Variants in NKAIN2 observed in about 807,000 individuals in gnomAD.
NKAIN2 encodes the protein sodium/potassium transporting ATPase interacting 2.
Under a neutral mutation model 32.6 loss-of-function variants are expected in NKAIN2, and 14 were observed. That is an observed-to-expected ratio of 0.43 (90% CI 0.28 to 0.67). The LOEUF (loss-of-function observed/expected upper bound fraction) is 0.67, where lower values mean the gene tolerates loss of function less well. Among genes scored for constraint, NKAIN2 ranks in the 30% least tolerant of loss-of-function variants. The pLI is 0.17. For missense variants in NKAIN2, 198 were observed against 258.3 expected, an observed-to-expected ratio of 0.77 and a Z score of 1.60; for synonymous variants, 80 against 87.2, an observed-to-expected ratio of 0.92 and a Z score of 0.46.
intron 2 of NKAIN2, among the ~76,000 whole-genome samples, chr6:124,313,747 T>C (rs1796819200): frequency 6.6e-6 from 1 of 152,138 alleles, no homozygotes; most frequent in Non-Finnish European, 1.5e-5. Flanking sequence ...TGCTGGCTCT[T>C]TGACAGAGTA....
chr6:124,294,345 C>T (rs1470776957), intron 2 of NKAIN2, among the ~76,000 whole-genome samples: 1 of 152,068 alleles, frequency 6.6e-6, no homozygotes, highest in Non-Finnish European at 1.5e-5. Context: ...CTCTCAATGA[C>T]CTAATCACCT....
intron 1 of NKAIN2, among the ~76,000 whole-genome samples, chr6:123,936,745 T>A (rs187762342): frequency 2.5e-4 from 38 of 152,236 alleles, no homozygotes; most frequent in South Asian, 2.5e-3. Context: ...AATTTTATGA[T>A]TTACCTCCAC....
chr6:124,197,729 T>C (rs1790382733), intron 1 of NKAIN2, among the ~76,000 whole-genome samples: 1 of 151,986 alleles, frequency 6.6e-6, no homozygotes, highest in Non-Finnish European at 1.5e-5. Flanking sequence ...CCCAGAAAGG[T>C]CCTTCATGCC....
intron 1 of NKAIN2, among the ~76,000 whole-genome samples, chr6:124,227,131 C>T (rs1287420270): frequency 1.3e-5 from 2 of 149,860 alleles, no homozygotes; most frequent in Non-Finnish European, 3.0e-5. Flanking sequence ...AATCTAGTGG[C>T]CTGAACTCAA....
intron 3 of NKAIN2, among the ~76,000 whole-genome samples, chr6:124,625,699 GCTTTATTT>G (rs1204656905): frequency 2.5e-4 from 8 of 31,912 alleles, no homozygotes; most frequent in Non-Finnish European, 6.5e-4. Flanking sequence ...TGCTGAAGAT[GCTTTATTT>G]ATTTATTTAT....
intron 1 of NKAIN2, among the ~76,000 whole-genome samples, chr6:124,186,153 A>AGGGAGGGAGGG (rs1554263935): frequency 6.3e-5 from 8 of 127,072 alleles, no homozygotes; most frequent in African/African-American, 2.6e-4. Context: ...GGAAGGAAGG[A>AGGGAGGGAGGG]AGGGAGGGAG....
chr6:124,572,539 C>T (rs1781166156), intron 3 of NKAIN2, among the ~76,000 whole-genome samples: 1 of 152,116 alleles, frequency 6.6e-6, no homozygotes, highest in African/African-American at 2.4e-5. Context: ...ATTTCTTTTG[C>T]AACGGTAGAG....
At chr6:124,317,361 G>A (rs1315469173) in intron 2 of NKAIN2, among the ~76,000 whole-genome samples, 1 of 152,080 alleles carries the variant, frequency 6.6e-6, no homozygotes, top group Non-Finnish European at 1.5e-5. Context: ...TGTCTGGAGT[G>A]TGCAGTGTAG....
intron 3 of NKAIN2, among the ~76,000 whole-genome samples, chr6:124,628,330 A>G (rs1325185135): frequency 6.6e-6 from 1 of 152,086 alleles, no homozygotes; most frequent in East Asian, 1.9e-4. Context: ...GTAATTACTT[A>G]TGTTGTTTGA....
chr6:124,247,858 A>G (rs1164429103), intron 1 of NKAIN2, among the ~76,000 whole-genome samples: 1 of 152,158 alleles, frequency 6.6e-6, no homozygotes, highest in Non-Finnish European at 1.5e-5. Flanking sequence ...TATCATTCAG[A>G]TGTCCTTAAA....
chr6:124,100,111 T>G (rs1008596463), intron 1 of NKAIN2, among the ~76,000 whole-genome samples: 1 of 152,248 alleles, frequency 6.6e-6, no homozygotes, highest in Non-Finnish European at 1.5e-5. Context: ...TATTCTTTAC[T>G]GCAGAAATTT....
chr6:124,719,690 C>A (rs1339220356), intron 4 of NKAIN2, among the ~76,000 whole-genome samples: 1 of 150,512 alleles, frequency 6.6e-6, no homozygotes, highest in Non-Finnish European at 1.5e-5. Flanking sequence ...GACCTATGAG[C>A]CAGATACTTC....
chr6:124,097,402 A>T (rs1344813459), intron 1 of NKAIN2, among the ~76,000 whole-genome samples: 1 of 3,486 alleles, frequency 2.9e-4, no homozygotes, highest in African/African-American at 7.2e-4. Context: ...ACTTCGTCTT[A>T]AAAAAAAAAA....
chr6:123,897,728 G>T (rs55916419), intron 1 of NKAIN2, among the ~76,000 whole-genome samples: 12,969 of 151,906 alleles, frequency 0.085, 1,775 homozygotes, highest in African/African-American at 0.29. Flanking sequence ...GGCATAGAGA[G>T]GGTGCTCATA....
In NKAIN2 at chr6:123,821,606, T is replaced by C. The variant is rs1773925520; in HGVS notation, c.54+17352T>C. 2.0e-5 allele frequency among the ~76,000 whole-genome samples: 3 copies of C among 152,184 alleles called. No individual in the cohort carries two copies. The South Asian group carries it at 6.2e-4, about 31-fold the overall frequency. On this transcript the variant is annotated intron_variant, in intron 1 of 6. Transcript: ENST00000368417. The stretch of plus-strand genomic sequence containing the variant: ...GCAGTCTTTGTAAATGGAAGAATTC[T>C]GTTCTGTAACAAAAGGTAGTATTTT...
intron 1 of NKAIN2, among the ~76,000 whole-genome samples, chr6:124,027,722 A>AACT (rs1419784975): frequency 1.3e-5 from 2 of 151,782 alleles, no homozygotes; most frequent in Non-Finnish European, 2.9e-5. Context: ...GTTCCAAATT[A>AACT]AATAGTTCTT....
intron 2 of NKAIN2, among the ~76,000 whole-genome samples, chr6:124,354,814 A>T (rs1273824516): frequency 6.7e-6 from 1 of 149,794 alleles, no homozygotes; most frequent in African/African-American, 2.5e-5. Context: ...AGCAGGTTTG[A>T]GCTGTAATCC....
At chr6:124,202,069 A>C (rs2114628703) in intron 1 of NKAIN2, among the ~76,000 whole-genome samples, 1 of 152,018 alleles carries the variant, frequency 6.6e-6, no homozygotes, top group African/African-American at 2.4e-5. Flanking sequence ...GCAGAGTGGC[A>C]GTGGTATGAC....
intron 1 of NKAIN2, among the ~76,000 whole-genome samples, chr6:123,994,029 A>T (rs991452301): frequency 1.3e-5 from 2 of 152,122 alleles, no homozygotes; most frequent in African/African-American, 4.8e-5. Context: ...GATTGACCAC[A>T]GCCATCACTG....
Sources: allele counts gnomAD v4.1 joint callset (sites outside exome capture counted in the v4.1 genomes callset), GRCh38; gene constraint gnomAD v4.1.1; transcripts MANE v1.5; gene names NCBI Gene and HGNC (gene_info 2026-07-23, HGNC 2026-07-21).